PCDHGA12: variants seen among roughly 807,000 people sequenced by gnomAD.
PCDHGA12 encodes protocadherin gamma-A12.
In PCDHGA12, 43 loss-of-function variants were observed where a neutral mutation model predicts 61.1. The observed-to-expected ratio is 0.70, with a 90% CI of 0.55 to 0.91. PCDHGA12 has a LOEUF of 0.91. Among genes scored for constraint, PCDHGA12 ranks in the 40% least tolerant of loss-of-function variants. The pLI is 0.00. For missense variants in PCDHGA12, 1,236 were observed against 1,227.7 expected (o/e 1.01, Z -0.10); for synonymous variants, 520 against 542.9 (o/e 0.96, Z 0.59).
At chr5:141,488,348 C>T (rs1231687770) in intron 1 of PCDHGA12, among the ~76,000 whole-genome samples, 1 of 152,106 alleles carries the variant, frequency 6.6e-6, no homozygotes, top group Non-Finnish European at 1.5e-5. Flanking sequence ...TAGAAACAGC[C>T]ACCCTGTGCA....
chr5:141,505,143 C>G lies in PCDHGA12; in HGVS notation c.2484-250C>G, dbSNP rs578261428. ...CGCCACTGCACTCCAGCCTGGATGA[C>G]AGAGTAAGACCCTGTCTAAAACAAA... On this transcript the variant is annotated intron_variant, in intron 2 of 3. Coordinates refer to ENST00000252085, the MANE Select transcript of PCDHGA12 (RefSeq NM_003735.3). Among the ~76,000 whole-genome samples the G allele has an allele frequency of 3.3e-5, 5 of 152,290 alleles. No homozygotes were observed. The East Asian group carries it at 7.7e-4, about 24-fold the overall frequency.
intron 2 of PCDHGA12, among the ~76,000 whole-genome samples, chr5:141,498,277 G>T (rs1216561939): frequency 6.6e-6 from 1 of 151,924 alleles, no homozygotes; most frequent in African/African-American, 2.4e-5. Flanking sequence ...CAGTAAACTT[G>T]GTTCAAGATC....
intron 1 of PCDHGA12, among the ~76,000 whole-genome samples, chr5:141,437,415 G>A: frequency 6.6e-6 from 1 of 152,162 alleles, no homozygotes; most frequent in Non-Finnish European, 1.5e-5. Context: ...GAAGTATTAT[G>A]CTTTTTGAAG....
intron 1 of PCDHGA12, among the ~76,000 whole-genome samples, chr5:141,462,363 G>C (rs1425898350): frequency 6.6e-6 from 1 of 152,132 alleles, no homozygotes; most frequent in Non-Finnish European, 1.5e-5. Context: ...ACATTGTATA[G>C]TTTCTATTCT....
At chr5:141,454,087 T>A (rs1251936767) in intron 1 of PCDHGA12, among the ~76,000 whole-genome samples, 4 of 152,198 alleles carry the variant, frequency 2.6e-5, no homozygotes, top group Non-Finnish European at 5.9e-5. Context: ...TCAGTGAAAT[T>A]TGAATTGAAC....
At chr5:141,500,546 G>A (rs1428503967) in intron 2 of PCDHGA12, among the ~76,000 whole-genome samples, 1 of 152,126 alleles carries the variant, frequency 6.6e-6, no homozygotes, top group African/African-American at 2.4e-5. Context: ...ACCTAAATAA[G>A]TTGTTCACAA....
intron 1 of PCDHGA12, among the ~76,000 whole-genome samples, chr5:141,449,042 A>G (rs1211970675): frequency 6.6e-6 from 1 of 152,186 alleles, no homozygotes; most frequent in Non-Finnish European, 1.5e-5. Context: ...ATTATTAACC[A>G]GTCTCATAAA....
At chr5:141,441,782 G>T in intron 1 of PCDHGA12, 1 of 391,086 alleles carries the variant, frequency 2.6e-6, no homozygotes, top group East Asian at 8.8e-5. Context: ...TGGACGACCT[G>T]AATGACAACG....
rs2097423534 is a variant in PCDHGA12 at position 141,431,850 on chromosome 5, C to A, written c.1091C>A (p.Thr364Lys). 6.2e-7 allele frequency: 1 copy of A among 1,614,234 alleles called. No individual in the cohort carries two copies. ...SSVPENSPRG[T>K]LIALLNVNDQ... ...GTTCCCGAAAACTCTCCCAGAGGGA[C>A]ATTAATTGCCCTTTTAAATGTAAAT... The change falls in exon 1 of 4, where the codon ACA (threonine) becomes AAA (lysine). Residue 364 changes from threonine to lysine, a missense_variant. Physicochemically the swap from Thr to Lys is moderately conservative, Grantham distance 78. Coordinates refer to ENST00000252085, the MANE Select transcript of PCDHGA12 (RefSeq NM_003735.3). This position sits in a 1 kb window ranked among gnomAD's most constrained non-coding sequence, Gnocchi z 4.8.
At position 141,432,463 on chromosome 5, in the gene PCDHGA12, C is replaced by T; in HGVS notation, c.1704C>T (p.Pro568=). ...NAPEILYPAL[P]TDGSTGVELA... ...CCGAGATCCTGTACCCCGCCCTCCC[C>T]ACGGACGGTTCCACTGGCGTGGAGC... Residue 568 remains proline, a synonymous_variant, in exon 1 of 4, where the codon CCC becomes CCT. Transcript: ENST00000252085. The surrounding 1 kb of genome is among the most constrained non-coding windows in gnomAD (Gnocchi z 6.0). 6.2e-7 allele frequency: 1 copy of T among 1,614,238 alleles called. No individual in the cohort carries two copies. The highest frequency in any genetic ancestry group is 1.1e-5 in the South Asian group (1 of 91,084).
chr5:141,509,839 T>C (rs1277859334), intron 3 of PCDHGA12, among the ~76,000 whole-genome samples: 4 of 152,162 alleles, frequency 2.6e-5, no homozygotes, highest in Non-Finnish European at 5.9e-5. Context: ...CTACCTCCCA[T>C]TCACTCAGAA....
rs1297899765 is a variant in PCDHGA12, at chr5:141,431,815, C to T, written c.1056C>T (p.Leu352=). ...CCCCAGAAGTGGTCCTCACCTCTCTCGCCAGCTCGGTTCCCGAAAACTCTC... is the reference window on the plus strand; with the variant it reads ...CCCCAGAAGTGGTCCTCACCTCTCTTGCCAGCTCGGTTCCCGAAAACTCTC... ...DNAPEVVLTS[L]ASSVPENSPR... Residue 352 remains leucine (L), a synonymous_variant, in exon 1 of 4, where the codon CTC becomes CTT. Transcript: ENST00000252085. The surrounding 1 kb of genome is among the most constrained non-coding windows in gnomAD (Gnocchi z 4.8). 5 of 1,614,124 alleles carry T rather than the reference C, an allele frequency of 3.1e-6. No homozygotes were observed. The Admixed American group carries it at 5.0e-5, about 16-fold the overall frequency.
rs374663576 is a variant in PCDHGA12 at position 141,489,905 on chromosome 5, G to A, written c.2425-4902G>A. The A allele has an allele frequency of 2.8e-4, 459 of 1,614,108 alleles. No homozygotes were observed. Among genetic ancestry groups the A allele is most frequent in the Non-Finnish European group, 3.4e-4 (405 of 1,180,054 alleles). On this transcript the variant is annotated intron_variant, in intron 1 of 3. Coordinates refer to ENST00000252085, the MANE Select transcript of PCDHGA12 (RefSeq NM_003735.3). The surrounding 1 kb of genome is among the most constrained non-coding windows in gnomAD (Gnocchi z 4.5). ...GCTGTGGATGGGGGGACCCCAGCCC[G>A]CTCAGGGACCACCCTTATCTCTGTC...
chr5:141,482,995 G>A (rs1395482427), intron 1 of PCDHGA12, among the ~76,000 whole-genome samples: 1 of 152,048 alleles, frequency 6.6e-6, no homozygotes, highest in Non-Finnish European at 1.5e-5. Flanking sequence ...CGAGGCAGGA[G>A]AATTGCTTGA....
At chr5:141,458,787 C>A (rs968490647) in intron 1 of PCDHGA12, among the ~76,000 whole-genome samples, 1 of 152,004 alleles carries the variant, frequency 6.6e-6, no homozygotes, top group African/African-American at 2.4e-5. Flanking sequence ...GGCTGGAGTG[C>A]AGTGGTGTGA....
intron 1 of PCDHGA12, among the ~76,000 whole-genome samples, chr5:141,437,364 T>C (rs1026384836): frequency 6.6e-6 from 1 of 152,232 alleles, no homozygotes; most frequent in African/African-American, 2.4e-5. Flanking sequence ...AAAATTGGAA[T>C]GTAATCAGTC....
Position 141,446,243 on chromosome 5 carries a change from C to T in PCDHGA12, c.2424+13060C>T, listed in dbSNP as rs552551215. Among the ~76,000 whole-genome samples, 23 of 152,096 alleles carry T rather than the reference C, an allele frequency of 1.5e-4. 1 individual carries two copies. The South Asian group carries it at 4.6e-3, about 30-fold the overall frequency. On this transcript the variant is annotated intron_variant, in intron 1 of 3. Coordinates refer to ENST00000252085, the MANE Select transcript of PCDHGA12 (RefSeq NM_003735.3). ...TTGTGTTGCCTGGCAAGTGGTAGAT[C>T]TTCAGTGAAATATTATTAACTGAAT...
Position 141,486,998 on chromosome 5 carries a change from C to T in PCDHGA12, c.2425-7809C>T. 1.2e-6 allele frequency: 2 copies of T among 1,614,206 alleles called. No individual in the cohort carries two copies. Among genetic ancestry groups the T allele is most frequent in the Non-Finnish European group, 1.7e-6 (2 of 1,180,034 alleles). On this transcript the variant is annotated intron_variant, in intron 1 of 3. Transcript: ENST00000252085. The surrounding 1 kb of genome is among the most constrained non-coding windows in gnomAD (Gnocchi z 5.0). The stretch of plus-strand genomic sequence containing the variant: ...AGGTTACAATGCTTGGGTTTCCTAT[C>T]AGCTCCTGGAGGCCCCAGATCCCAG...
At position 141,491,692 on chromosome 5, in the gene PCDHGA12, C is replaced by A. The variant is rs749349869; in HGVS notation, c.2425-3115C>A. The A allele has an allele frequency of 6.2e-7, 1 of 1,612,592 alleles. No homozygotes were observed. Among genetic ancestry groups the A allele is most frequent in the Non-Finnish European group, 8.5e-7 (1 of 1,179,338 alleles). On this transcript the variant is annotated intron_variant, in intron 1 of 3. Coordinates refer to ENST00000252085, the MANE Select transcript of PCDHGA12 (RefSeq NM_003735.3). This position sits in a 1 kb window ranked among gnomAD's most constrained non-coding sequence, Gnocchi z 6.9. ...GTCCCGCTCTAATACGCTGCGGGAG[C>A]GGAGCCAGGTGAGGGGCTCGGCGCC...
Sources: gnomAD v4.1 joint callset for allele counts (sites outside exome capture counted in the v4.1 genomes callset) on GRCh38, gnomAD v4.1.1 for gene constraint, Gnocchi (gnomAD v3.1) non-coding constraint, MANE v1.5 for transcripts, NCBI Gene and HGNC (gene_info 2026-07-23, HGNC 2026-07-21) for gene names.